KCNMA1: variants seen among roughly 807,000 people sequenced by gnomAD.
The protein encoded by KCNMA1 is potassium calcium-activated channel subfamily M alpha 1.
In KCNMA1, 29 loss-of-function variants were observed where a neutral mutation model predicts 140.0. The ratio of observed to expected loss-of-function variants is 0.21; its 90% confidence interval spans 0.15 to 0.28. The LOEUF is 0.28. Among genes scored for constraint, KCNMA1 ranks in the 10% least tolerant of loss-of-function variants. The probability of loss-of-function intolerance (pLI) is 1.00; values close to 1 mark genes in which losing one functional copy is unlikely to be tolerated. For synonymous variants in KCNMA1, 612 were observed against 611.9 expected (o/e 1.00, Z 0.00); for missense variants, 880 against 1,602.2 (o/e 0.55, Z 7.70).
chr10:77,392,238 G>A lies in KCNMA1; in HGVS notation c.540+11624C>T, dbSNP rs555717951. ...GGAAGGAAGGGAGAGAGGGAAAGAA[G>A]GAAGGGAGAGAGGGAAGGGAAGGGA... is the stretch of plus-strand genomic sequence containing the variant. On this transcript the variant is annotated intron_variant, in intron 2 of 27. Coordinates refer to ENST00000286628, the MANE Select transcript of KCNMA1 (RefSeq NM_001161352.2). Among the ~76,000 whole-genome samples the A allele has an allele frequency of 5.6e-4, 70 of 124,832 alleles. 1 individual carries two copies. Among genetic ancestry groups the A allele is most frequent in the African/African-American group, 2.3e-3 (65 of 28,788 alleles). 81.9% of individuals were successfully genotyped at this position (124,832 alleles called of 152,430 possible).
At chr10:77,272,468 C>T (rs2065428443) in intron 2 of KCNMA1, among the ~76,000 whole-genome samples, 1 of 152,042 alleles carries the variant, frequency 6.6e-6, no homozygotes, top group Admixed American at 6.6e-5. Context: ...ACAATAAGCC[C>T]CTTTGATGGT....
chr10:77,086,763 C>T (rs1446157817), intron 10 of KCNMA1, among the ~76,000 whole-genome samples, 170 bp from the exon 11 acceptor site: 1 of 152,122 alleles, frequency 6.6e-6, no homozygotes, highest in East Asian at 1.9e-4. Flanking sequence ...GAAGTAAAAC[C>T]CCAGCCCAAC....
intron 2 of KCNMA1, among the ~76,000 whole-genome samples, chr10:77,347,415 A>G (rs2092328136): frequency 6.6e-6 from 1 of 152,226 alleles, no homozygotes; most frequent in Non-Finnish European, 1.5e-5. Flanking sequence ...TCTCTTAACC[A>G]CATGAAGAGA....
At chr10:77,522,639 T>A (rs1398521649) in intron 1 of KCNMA1, among the ~76,000 whole-genome samples, 1 of 152,116 alleles carries the variant, frequency 6.6e-6, no homozygotes, top group Non-Finnish European at 1.5e-5. Flanking sequence ...GAAGCAGAGT[T>A]GTGGGACCTA....
At chr10:76,985,857 G>A (rs565459340) in intron 19 of KCNMA1, among the ~76,000 whole-genome samples, 291 of 152,304 alleles carry the variant, frequency 1.9e-3, no homozygotes, top group African/African-American at 6.5e-3. Context: ...TGTAGCCTGT[G>A]AAATCTAGTG....
At chr10:77,153,754 A>G (rs541339944) in intron 5 of KCNMA1, among the ~76,000 whole-genome samples, 7 of 152,168 alleles carry the variant, frequency 4.6e-5, no homozygotes, top group African/African-American at 1.7e-4. Flanking sequence ...GTGATTTGAA[A>G]TCATTTATGG....
At chr10:77,088,227 C>T (rs755349723) in intron 10 of KCNMA1, among the ~76,000 whole-genome samples, 1 of 152,140 alleles carries the variant, frequency 6.6e-6, no homozygotes, top group African/African-American at 2.4e-5. Context: ...TCCCAAAGTG[C>T]TGGGATTACA....
At chr10:77,024,984 T>C (rs12780549) in intron 16 of KCNMA1, among the ~76,000 whole-genome samples, 12,750 of 151,744 alleles carry the variant, frequency 0.084, 673 homozygotes, top group Non-Finnish European at 0.12. Context: ...AAAATGGCAC[T>C]AGAGTGCAAT....
chr10:76,976,859 G>T (rs2077724356), intron 19 of KCNMA1, among the ~76,000 whole-genome samples: 1 of 152,136 alleles, frequency 6.6e-6, no homozygotes, highest in Non-Finnish European at 1.5e-5. Context: ...GTTTCTTAGA[G>T]ATGAGACACA....
chr10:77,364,974 T>A (rs2094249333), intron 2 of KCNMA1, among the ~76,000 whole-genome samples: 2 of 152,158 alleles, frequency 1.3e-5, no homozygotes, highest in South Asian at 4.1e-4. Context: ...ATTTGAGTCA[T>A]AACAAATCCA....
At chr10:77,494,183 A>T (rs2040981801) in intron 1 of KCNMA1, among the ~76,000 whole-genome samples, 1 of 152,238 alleles carries the variant, frequency 6.6e-6, no homozygotes, top group Non-Finnish European at 1.5e-5. Flanking sequence ...AATGCCAAAG[A>T]AACTCACCAC....
intron 1 of KCNMA1, among the ~76,000 whole-genome samples, chr10:77,574,163 A>G (rs932991882): frequency 3.3e-5 from 5 of 152,090 alleles, no homozygotes; most frequent in African/African-American, 9.7e-5. Flanking sequence ...CTTTATAATG[A>G]AAAGATTATG....
intron 1 of KCNMA1, among the ~76,000 whole-genome samples, chr10:77,560,644 G>A (rs1287592614): frequency 6.6e-6 from 1 of 152,208 alleles, no homozygotes; most frequent in Non-Finnish European, 1.5e-5. Flanking sequence ...CCTAAGAGCT[G>A]TGCTCAAGTG....
intron 5 of KCNMA1, among the ~76,000 whole-genome samples, chr10:77,158,686 T>C (rs1447967854): frequency 1.3e-5 from 2 of 152,170 alleles, no homozygotes; most frequent in African/African-American, 4.8e-5. Context: ...CTTTGTTTCA[T>C]AGGGAGGAAG....
intron 1 of KCNMA1, among the ~76,000 whole-genome samples, chr10:77,600,761 A>ACACG (rs1567796893): frequency 6.6e-6 from 1 of 150,478 alleles, no homozygotes; most frequent in East Asian, 1.9e-4. Context: ...ACACACACAC[A>ACACG]CACACATGCA....
At chr10:76,994,379 C>T (rs2083603124) in intron 19 of KCNMA1, among the ~76,000 whole-genome samples, 1 of 152,204 alleles carries the variant, frequency 6.6e-6, no homozygotes, top group African/African-American at 2.4e-5. Context: ...AACACATACA[C>T]ACATCCTCCC....
chr10:76,901,614 A>T (rs780207575), intron 25 of KCNMA1: 4 of 152,198 alleles, frequency 2.6e-5, no homozygotes, highest in Non-Finnish European at 5.9e-5. Context: ...TTTAGCCTGA[A>T]ATTGTGTGAA....
In KCNMA1 at chr10:76,885,632, C is replaced by A. The variant is rs1248024089; in HGVS notation, c.*1634G>T. On this transcript the variant is annotated 3_prime_UTR_variant, in exon 28 of 28. Transcript: ENST00000286628. ...TCCTCCCTTTTACCCCTATTCTATT[C>A]GATGGAATTCTTTGAAGTAAAACTT... The A allele has an allele frequency of 2.0e-6, 2 of 985,060 alleles. No individual in the cohort carries two copies. Among genetic ancestry groups the A allele is most frequent in the East Asian group, 1.1e-4 (1 of 8,818 alleles). The allele number at this position is 985,060 out of a possible 1,614,324, so 61.0% of individuals were successfully genotyped here. A position where few individuals can be genotyped will look rare whatever the true frequency, so the allele number is the denominator to read the frequency against.
chr10:77,095,016 G>C (rs2153809155), intron 9 of KCNMA1, among the ~76,000 whole-genome samples: 1 of 152,252 alleles, frequency 6.6e-6, no homozygotes, highest in South Asian at 2.1e-4. Flanking sequence ...GTCTATTTTA[G>C]ACATGTCATG....
Sources: allele counts gnomAD v4.1 joint callset (sites outside exome capture counted in the v4.1 genomes callset), GRCh38; gene constraint gnomAD v4.1.1; transcripts MANE v1.5; gene names NCBI Gene and HGNC (gene_info 2026-07-23, HGNC 2026-07-21).